CCDC15: variants seen among roughly 807,000 people sequenced by gnomAD.
CCDC15 encodes coiled-coil domain containing 15.
In CCDC15, 105 loss-of-function variants were observed where a neutral mutation model predicts 114.5. The observed-to-expected ratio is 0.92, with a 90% CI of 0.78 to 1.08. The LOEUF is 1.08. CCDC15 is among the 50% of genes least tolerant of loss of function. The pLI, the probability that CCDC15 is intolerant of heterozygous loss-of-function variation, is 0.00. For missense variants in CCDC15, 1,105 were observed against 1,093.6 expected, an observed-to-expected ratio of 1.01 and a Z score of -0.15; for synonymous variants, 334 against 377.8, an observed-to-expected ratio of 0.88 and a Z score of 1.34.
intron 13 of CCDC15, among the ~76,000 whole-genome samples, chr11:125,036,367 A>G (rs11603287): frequency 2.2e-4 from 9 of 41,318 alleles, no homozygotes; most frequent in Admixed American, 3.3e-4. Flanking sequence ...GCTCCACTAT[A>G]TGTTATTTGT....
chr11:124,998,936 G>C (rs1050633532), intron 11 of CCDC15, among the ~76,000 whole-genome samples: 2 of 151,532 alleles, frequency 1.3e-5, no homozygotes, highest in Non-Finnish European at 2.9e-5. Flanking sequence ...AAGGGGTTTC[G>C]CCATGTTAGT....
In CCDC15 at chr11:124,992,563, A is replaced by T; in HGVS notation, c.2032-17A>T. 6.7e-7 allele frequency: 1 copy of T among 1,488,706 alleles called. No individual in the cohort carries two copies. The allele number at this position is 1,488,706 out of a possible 1,614,324, so 92.2% of individuals were successfully genotyped here. A position where few individuals can be genotyped will look rare whatever the true frequency, so the allele number is the denominator to read the frequency against. On this transcript the variant is annotated splice_polypyrimidine_tract_variant and intron_variant, in intron 9 of 15. Transcript: ENST00000344762. ...TTTTTTCTGTTGTTGTTTTTCCTTTAAAATATGTTTCTCAAGCAACCTGCA... is the reference window on the plus strand; with the variant it reads ...TTTTTTCTGTTGTTGTTTTTCCTTTTAAATATGTTTCTCAAGCAACCTGCA...
At chr11:124,990,678 CT>C (rs1411998892) in intron 8 of CCDC15, among the ~76,000 whole-genome samples, 5 of 152,288 alleles carry the variant, frequency 3.3e-5, no homozygotes, top group African/African-American at 1.2e-4. Flanking sequence ...TGTTTCTTTT[CT>C]TTTTATTCAA....
intron 6 of CCDC15, among the ~76,000 whole-genome samples, chr11:124,980,017 C>A (rs1948041229): frequency 6.6e-6 from 1 of 152,172 alleles, no homozygotes; most frequent in African/African-American, 2.4e-5. Context: ...GCCTTTTCTG[C>A]ATCTCTTGAG....
intron 11 of CCDC15, among the ~76,000 whole-genome samples, chr11:125,000,338 A>G (rs1401385576): frequency 1.3e-5 from 2 of 152,120 alleles, no homozygotes; most frequent in African/African-American, 4.8e-5. Flanking sequence ...CAAAGCTTTC[A>G]TTATACTCCT....
At chr11:125,004,561 T>C (rs774162513) in intron 12 of CCDC15, among the ~76,000 whole-genome samples, 2 of 152,054 alleles carry the variant, frequency 1.3e-5, no homozygotes, top group African/African-American at 2.4e-5. Context: ...ATAGCTTGTG[T>C]ATTTAAAAGA....
chr11:125,024,343 A>G (rs76172818), intron 13 of CCDC15, among the ~76,000 whole-genome samples: 2,224 of 152,156 alleles, frequency 0.015, 59 homozygotes, highest in African/African-American at 0.05. Context: ...TTAGTGTTTC[A>G]GTTTCTACAA....
At chr11:124,988,481 A>G (rs765950942) in intron 8 of CCDC15, among the ~76,000 whole-genome samples, 2 of 152,168 alleles carry the variant, frequency 1.3e-5, no homozygotes, top group African/African-American at 2.4e-5. Context: ...TCTTGGCTCA[A>G]TGTTGTTATC....
chr11:124,986,690 TTTG>T, intron 6 of CCDC15, 49 bp from the exon 7 acceptor site: 3 of 1,352,374 alleles, frequency 2.2e-6, no homozygotes, highest in South Asian at 1.6e-5. Flanking sequence ...TGTGTGTGTG[TTTG>T]TGTGTGTGCG....
chr11:124,987,749 A>T lies in CCDC15; in HGVS notation c.1523A>T (p.Asn508Ile). The change falls in exon 8 of 16, where the codon AAT becomes ATT. Residue 508 changes from asparagine to isoleucine, a missense_variant. Physicochemically the swap from Asn to Ile is moderately radical, Grantham distance 149. Coordinates refer to ENST00000344762, the MANE Select transcript of CCDC15 (RefSeq NM_025004.3). ...QDQNFLPKDQ[N>I]FLSRDQHVLP... is the part of the protein sequence containing the mutation. Reference sequence around the variant, plus strand: ...CAGAATTTTCTACCTAAGGACCAGAATTTTTTGTCTAGAGACCAGCATGTT... The same window carrying T: ...CAGAATTTTCTACCTAAGGACCAGATTTTTTTGTCTAGAGACCAGCATGTT... 1 of 1,614,000 alleles carries T rather than the reference A, an allele frequency of 6.2e-7. No individual in the cohort carries two copies. The highest frequency in any genetic ancestry group is 8.5e-7 in the Non-Finnish European group (1 of 1,179,870).
intron 12 of CCDC15, 47 bp downstream of exon 12, chr11:125,004,006 G>T: frequency 2.1e-6 from 2 of 952,254 alleles, no homozygotes; most frequent in Non-Finnish European, 3.0e-6. Flanking sequence ...TACTATGATA[G>T]TATTAATATA....
chr11:124,975,314 T>G (rs1947955884), intron 5 of CCDC15, 105 bp downstream of exon 5: 1 of 600,320 alleles, frequency 1.7e-6, no homozygotes, highest in Admixed American at 4.1e-5. Flanking sequence ...TAATTGGAAA[T>G]AGCCTTAAAT....
Position 124,964,383 on chromosome 11 carries a change from AG to A in CCDC15, c.516+4382del, listed in dbSNP as rs573357758. On this transcript the variant is annotated intron_variant, in intron 4 of 15. Coordinates refer to ENST00000344762, the MANE Select transcript of CCDC15 (RefSeq NM_025004.3). ...ATCCCTTCATGTAAGTTGGATTCCT[AG>A]GTATTTTATTCTCTTTGAAGCAGTT... Among the ~76,000 whole-genome samples, 403 of 152,200 alleles carry A rather than the reference AG, an allele frequency of 2.6e-3. 2 individuals are homozygous for A. The highest frequency in any genetic ancestry group is 9.3e-3 in the African/African-American group (388 of 41,528).
chr11:125,011,397 C>T (rs1948592538), intron 13 of CCDC15, among the ~76,000 whole-genome samples: 1 of 151,904 alleles, frequency 6.6e-6, no homozygotes, highest in Non-Finnish European at 1.5e-5. Flanking sequence ...GCCACCAAGC[C>T]CGGCTAATTT....
At chr11:125,005,831 T>A (rs1429243873) in intron 13 of CCDC15, among the ~76,000 whole-genome samples, 4 of 152,146 alleles carry the variant, frequency 2.6e-5, no homozygotes, top group African/African-American at 9.7e-5. Context: ...CCTTTTTAGA[T>A]TGGCTTTTTA....
At chr11:124,996,719 A>G (rs976963508) in intron 11 of CCDC15, among the ~76,000 whole-genome samples, 1 of 152,048 alleles carries the variant, frequency 6.6e-6, no homozygotes, top group African/African-American at 2.4e-5. Context: ...TCTTCTCCCC[A>G]TGTCCCTGGC....
rs752713162 is a variant in CCDC15, at chr11:124,954,728, C to T, written c.-5C>T. ...CTTTTTCTTTCTCCTAATCAGGAGT[C>T]ACAGATGCTGGGAAGTATGGCCCGA... On this transcript the variant is annotated 5_prime_UTR_variant, in exon 2 of 16. Transcript: ENST00000344762. The T allele has an allele frequency of 1.9e-6, 3 of 1,613,426 alleles. No homozygotes were observed. The highest frequency in any genetic ancestry group is 2.5e-6 in the Non-Finnish European group (3 of 1,179,654).
chr11:124,994,256 A>T (rs1471135909), intron 11 of CCDC15, among the ~76,000 whole-genome samples: 1 of 152,212 alleles, frequency 6.6e-6, no homozygotes, highest in Non-Finnish European at 1.5e-5. Flanking sequence ...CCAGAGAGAT[A>T]CTTCCAGCAG....
chr11:124,981,460 T>A (rs2135470881), intron 6 of CCDC15, among the ~76,000 whole-genome samples: 1 of 152,308 alleles, frequency 6.6e-6, no homozygotes, highest in South Asian at 2.1e-4. Context: ...TTCTCCTGCC[T>A]CAGCCTCCTG....
Sources: gnomAD v4.1 joint callset for allele counts (sites outside exome capture counted in the v4.1 genomes callset) on GRCh38, gnomAD v4.1.1 for gene constraint, MANE v1.5 for transcripts, NCBI Gene and HGNC (gene_info 2026-07-23, HGNC 2026-07-21) for gene names.